Variants in DSCAM observed in about 807,000 individuals in gnomAD.
DSCAM encodes DS cell adhesion molecule, also known as cell adhesion molecule DSCAM.
DSCAM carries 47 observed loss-of-function variants against 217.7 expected under a neutral mutation model. The observed-to-expected ratio is 0.22, with a 90% confidence interval of 0.17 to 0.28. DSCAM has a LOEUF of 0.28. Among genes scored for constraint, DSCAM ranks in the 10% least tolerant of loss-of-function variants. The pLI is 1.00. For missense variants in DSCAM, 2,080 were observed against 2,618.3 expected (o/e 0.79, Z 4.49); for synonymous variants, 1,056 against 1,015.3 (o/e 1.04, Z -0.76).
At chr21:40,185,951 TGTAA>T (rs2090890178) in intron 14 of DSCAM, among the ~76,000 whole-genome samples, 1 of 152,200 alleles carries the variant, frequency 6.6e-6, no homozygotes, top group Admixed American at 6.5e-5. Context: ...TCAGACTTTG[TGTAA>T]GTGACACCTC....
chr21:40,830,349 G>T (rs1279824116), intron 1 of DSCAM, among the ~76,000 whole-genome samples: 1 of 151,832 alleles, frequency 6.6e-6, no homozygotes, highest in Non-Finnish European at 1.5e-5. Flanking sequence ...ACAGCGCCAC[G>T]CCATGAAGGA....
At chr21:40,030,347 T>G (rs1336612018) in intron 32 of DSCAM, among the ~76,000 whole-genome samples, 1 of 152,110 alleles carries the variant, frequency 6.6e-6, no homozygotes, top group Non-Finnish European at 1.5e-5. Context: ...AATAGTATCG[T>G]TCCCGACTGT....
intron 21 of DSCAM, among the ~76,000 whole-genome samples, chr21:40,088,914 C>A (rs1382430325): frequency 6.6e-6 from 1 of 152,208 alleles, no homozygotes; most frequent in Non-Finnish European, 1.5e-5. Flanking sequence ...TATGTGCAAA[C>A]AAAGTTGCAT....
At chr21:40,488,715 G>A (rs915183438) in intron 3 of DSCAM, among the ~76,000 whole-genome samples, 1 of 152,116 alleles carries the variant, frequency 6.6e-6, no homozygotes, top group African/African-American at 2.4e-5. Context: ...AAAAGAAAAA[G>A]CTTTATTTCA....
chr21:40,675,940 C>A (rs1407343379), intron 3 of DSCAM, among the ~76,000 whole-genome samples: 3 of 152,162 alleles, frequency 2.0e-5, no homozygotes, highest in Non-Finnish European at 2.9e-5. Flanking sequence ...TACTCTATAG[C>A]CACTATTAGT....
At chr21:40,500,355 A>G (rs1360362246) in intron 3 of DSCAM, among the ~76,000 whole-genome samples, 2 of 152,170 alleles carry the variant, frequency 1.3e-5, no homozygotes, top group Non-Finnish European at 2.9e-5. Context: ...TCTGTAGTCT[A>G]TGTCTTTATG....
At chr21:40,524,670 T>C (rs1180782694) in intron 3 of DSCAM, among the ~76,000 whole-genome samples, 10 of 152,126 alleles carry the variant, frequency 6.6e-5, no homozygotes, top group Non-Finnish European at 1.3e-4. Flanking sequence ...GAAAACTTTT[T>C]TTAAAAAGTA....
intron 27 of DSCAM, among the ~76,000 whole-genome samples, chr21:40,065,535 T>TGTCTTACACAGAC (rs1237528461): frequency 6.6e-6 from 1 of 152,170 alleles, no homozygotes; most frequent in Admixed American, 6.5e-5. Flanking sequence ...CCTTTCACAA[T>TGTCTTACACAGAC]GTCTTACACA....
chr21:40,507,618 C>T (rs994726193), intron 3 of DSCAM, among the ~76,000 whole-genome samples: 1 of 151,910 alleles, frequency 6.6e-6, no homozygotes, highest in South Asian at 2.1e-4. Flanking sequence ...TGGTGAAACC[C>T]CTCTCTACAA....
chr21:40,146,780 G>A (rs1018107804), intron 16 of DSCAM, among the ~76,000 whole-genome samples: 3 of 152,188 alleles, frequency 2.0e-5, no homozygotes, highest in African/African-American at 7.2e-5. Context: ...ATAAACAAAT[G>A]TCTATGCTCC....
chr21:40,699,382 A>C (rs1047635393), intron 2 of DSCAM, among the ~76,000 whole-genome samples: 6 of 152,240 alleles, frequency 3.9e-5, no homozygotes, highest in African/African-American at 1.4e-4. Flanking sequence ...GTGGTCTTTA[A>C]GTATTCATGT....
chr21:40,342,005 T>C (rs575497587), intron 6 of DSCAM, among the ~76,000 whole-genome samples: 2 of 152,336 alleles, frequency 1.3e-5, no homozygotes, highest in Non-Finnish European at 2.9e-5. Flanking sequence ...TATTTCCTCA[T>C]GACTAAACGC....
intron 1 of DSCAM, among the ~76,000 whole-genome samples, chr21:40,716,792 G>T (rs2146498881): frequency 6.6e-6 from 1 of 152,208 alleles, no homozygotes; most frequent in Non-Finnish European, 1.5e-5. Flanking sequence ...TTGTGTAAGG[G>T]CCCAGTAATG....
rs576316638 is a variant in DSCAM at position 40,099,941 on chromosome 21, A to C, written c.3697-6067T>G. 3.9e-5 allele frequency among the ~76,000 whole-genome samples: 6 copies of C among 152,308 alleles called. No homozygotes were observed. The South Asian group carries it at 1.2e-3, about 32-fold the overall frequency. The stretch of plus-strand genomic sequence containing the variant: ...CTTGGTAAGTGAGCCACACCTGAGA[A>C]GGCTAATGGCGAACCACAGTGGCAG... On this transcript the variant is annotated intron_variant, in intron 20 of 32. Coordinates refer to ENST00000400454, the MANE Select transcript of DSCAM (RefSeq NM_001389.5).
chr21:40,077,110 C>G (rs2089376463), intron 26 of DSCAM, among the ~76,000 whole-genome samples: 1 of 152,148 alleles, frequency 6.6e-6, no homozygotes, highest in Non-Finnish European at 1.5e-5. Flanking sequence ...TGAAAAGCAT[C>G]AGCCCTTGAA....
chr21:40,536,400 C>CTTTTTTTTT (rs35476225), intron 3 of DSCAM, among the ~76,000 whole-genome samples: 2 of 127,760 alleles, frequency 1.6e-5, no homozygotes, highest in African/African-American at 2.9e-5. Flanking sequence ...CCGGTAGAGT[C>CTTTTTTTTT]TTTTTTTTTT....
At chr21:40,307,126 T>C (rs1197966969) in intron 9 of DSCAM, among the ~76,000 whole-genome samples, 1 of 151,974 alleles carries the variant, frequency 6.6e-6, no homozygotes, top group African/African-American at 2.4e-5. Context: ...CAAAAGAAAC[T>C]ACTATCAGAG....
chr21:40,458,711 G>C (rs2075782565), intron 3 of DSCAM, among the ~76,000 whole-genome samples: 1 of 151,886 alleles, frequency 6.6e-6, no homozygotes, highest in Non-Finnish European at 1.5e-5. Context: ...AACATAGTTA[G>C]ATCTATTTGT....
intron 3 of DSCAM, among the ~76,000 whole-genome samples, chr21:40,505,561 T>C (rs2076203772): frequency 6.6e-6 from 1 of 152,184 alleles, no homozygotes; most frequent in East Asian, 1.9e-4. Flanking sequence ...TTCAGACATA[T>C]CTCTAAAAGG....
Sources: allele counts gnomAD v4.1 joint callset (sites outside exome capture counted in the v4.1 genomes callset), GRCh38; gene constraint gnomAD v4.1.1; transcripts MANE v1.5; gene names NCBI Gene and HGNC (gene_info 2026-07-23, HGNC 2026-07-21).